The following PCDHGA9 variants were observed in gnomAD, a reference collection of about 807,000 sequenced individuals.
PCDHGA9 encodes the protein protocadherin gamma-A9.
In PCDHGA9, 37 loss-of-function variants were observed where a neutral mutation model predicts 62.5. That is an observed-to-expected ratio of 0.59 (90% CI 0.46 to 0.78). The LOEUF (loss-of-function observed/expected upper bound fraction) is 0.78, where lower values mean the gene tolerates loss of function less well. Ranked by LOEUF, PCDHGA9 falls within the 30% of genes least tolerant of loss-of-function variation. The pLI is 0.00. For missense variants in PCDHGA9, 1,138 were observed against 1,166.2 expected (o/e 0.98, Z 0.35); for synonymous variants, 459 against 484.6 (o/e 0.95, Z 0.69).
chr5:141,461,655 ATTTTAAAG>A (rs2099019832), intron 1 of PCDHGA9, among the ~76,000 whole-genome samples: 1 of 152,022 alleles, frequency 6.6e-6, no homozygotes, highest in African/African-American at 2.4e-5. Flanking sequence ...CCCATGGATT[ATTTTAAAG>A]TTTGTTATTT....
rs184640789 is a variant in PCDHGA9, at chr5:141,405,346, G to C, written c.2394G>C (p.Lys798Asn). The change falls in exon 1 of 4, where the codon AAG becomes AAC. Residue 798 changes from lysine (K) to asparagine (N), a missense_variant. Physicochemically the swap from Lys to Asn is moderately conservative, Grantham distance 94. Transcript: ENST00000573521. ...CTTTGTGCGTCTCTGTTGATTCCAAGTTTCCTATAGAAGACACCCCTTTGG... is the reference window on the plus strand; with the variant it reads ...CTTTGTGCGTCTCTGTTGATTCCAACTTTCCTATAGAAGACACCCCTTTGG... ...NEPLCVSVDS[K>N]FPIEDTPLVP... 4 of 1,614,108 alleles carry C rather than the reference G, an allele frequency of 2.5e-6. No homozygotes were observed. Among genetic ancestry groups the C allele is most frequent in the Non-Finnish European group, 3.4e-6 (4 of 1,180,012 alleles).
chr5:141,500,186 T>A (rs1008615587), intron 2 of PCDHGA9, among the ~76,000 whole-genome samples: 7 of 99,362 alleles, frequency 7.0e-5, no homozygotes, highest in African/African-American at 3.5e-4. Flanking sequence ...ATTTTTATTT[T>A]TATTTATTTA....
chr5:141,405,822 T>C (rs1055689569), intron 1 of PCDHGA9, among the ~76,000 whole-genome samples: 2 of 151,888 alleles, frequency 1.3e-5, no homozygotes, highest in African/African-American at 4.8e-5. Flanking sequence ...CTGTCTGTAC[T>C]TAAGGTAGTA....
chr5:141,473,186 T>C (rs984810414), intron 1 of PCDHGA9, among the ~76,000 whole-genome samples: 1 of 152,134 alleles, frequency 6.6e-6, no homozygotes, highest in African/African-American at 2.4e-5. Flanking sequence ...CTTGAAGGAG[T>C]AAATGTATCT....
In PCDHGA9 at chr5:141,493,755, A is replaced by C. The variant is rs1364524112; in HGVS notation, c.2425-1052A>C. Among the ~76,000 whole-genome samples, 1 of 152,148 alleles carries C rather than the reference A, an allele frequency of 6.6e-6. No homozygotes were observed. The highest frequency in any genetic ancestry group is 2.4e-5 in the African/African-American group (1 of 41,440). On this transcript the variant is annotated intron_variant, in intron 1 of 3. Coordinates refer to ENST00000573521, the MANE Select transcript of PCDHGA9 (RefSeq NM_018921.3). The surrounding 1 kb of genome is among the most constrained non-coding windows in gnomAD (Gnocchi z 4.3). ...ATATCACTGCCACCTGTGAGCCTTG[A>C]GTGAGCCACTGGCAGTTCCGGAGCT...
At chr5:141,426,667 A>G in intron 1 of PCDHGA9, 2 of 430,860 alleles carry the variant, frequency 4.6e-6, no homozygotes, top group Non-Finnish European at 9.5e-6. Context: ...ATAAATGATA[A>G]CCCACCTCAT....
rs755978034 is a variant in PCDHGA9, at chr5:141,404,291, G to A, written c.1339G>A (p.Asp447Asn). The change falls in exon 1 of 4, where the codon GAT becomes AAT. Residue 447 changes from aspartate (D) to asparagine (N), a missense_variant. Coordinates refer to ENST00000573521, the MANE Select transcript of PCDHGA9 (RefSeq NM_018921.3). ...HITLQVTDIN[D>N]NPPAFSQASY... is the part of the protein sequence containing the mutation. ...CACCCTGCAAGTGACTGACATCAAT[G>A]ATAATCCACCTGCTTTCTCTCAAGC... 6.2e-7 allele frequency: 1 copy of A among 1,613,956 alleles called. No homozygotes were observed. The highest frequency in any genetic ancestry group is 8.5e-7 in the Non-Finnish European group (1 of 1,179,876).
chr5:141,423,234 C>T, intron 1 of PCDHGA9: 1 of 1,613,918 alleles, frequency 6.2e-7, no homozygotes, highest in South Asian at 1.1e-5. Context: ...CCGACAGCAT[C>T]CCCGAAGTCC....
Position 141,491,680 on chromosome 5 carries a change from A to G in PCDHGA9, c.2425-3127A>G. The G allele has an allele frequency of 6.2e-7, 1 of 1,613,304 alleles. No individual in the cohort carries two copies. The highest frequency in any genetic ancestry group is 2.2e-5 in the East Asian group (1 of 44,820). ...TGACGCCATCCGGTCCCGCTCTAATACGCTGCGGGAGCGGAGCCAGGTGAG... is the reference window on the plus strand; with the variant it reads ...TGACGCCATCCGGTCCCGCTCTAATGCGCTGCGGGAGCGGAGCCAGGTGAG... On this transcript the variant is annotated intron_variant, in intron 1 of 3. Transcript: ENST00000573521. The surrounding 1 kb of genome is among the most constrained non-coding windows in gnomAD (Gnocchi z 6.9).
intron 1 of PCDHGA9, chr5:141,418,778 T>C (rs1256260275): frequency 6.2e-7 from 1 of 1,613,744 alleles, no homozygotes; most frequent in Non-Finnish European, 8.5e-7. Context: ...TCAGCAGCCT[T>C]TGGATTTTGA....
chr5:141,437,693 C>G (rs1305650032), intron 1 of PCDHGA9, among the ~76,000 whole-genome samples: 1 of 151,638 alleles, frequency 6.6e-6, no homozygotes, highest in African/African-American at 2.4e-5. Context: ...GAGGCTAAAT[C>G]TCAAGAAAGA....
intron 1 of PCDHGA9, among the ~76,000 whole-genome samples, chr5:141,406,261 C>T (rs2154537343): frequency 6.6e-6 from 1 of 152,132 alleles, no homozygotes; most frequent in African/African-American, 2.4e-5. Flanking sequence ...CTCAAACGAT[C>T]TTCCTGCTTC....
Position 141,403,479 on chromosome 5 carries a change from A to G in PCDHGA9, c.527A>G (p.His176Arg). The G allele has an allele frequency of 1.2e-6, 2 of 1,613,848 alleles. No homozygotes were observed. The highest frequency in any genetic ancestry group is 1.7e-6 in the Non-Finnish European group (2 of 1,179,870). The change falls in exon 1 of 4, where the codon CAC (histidine) becomes CGC (arginine). Residue 176 changes from histidine (H) to arginine (R), a missense_variant. Transcript: ENST00000573521. Reference sequence around the variant, plus strand: ...CAGAGCTACCAGCTCAGCCCCAATCACCACTTCTCCCTGAACGTGCAGACT... The same window carrying G: ...CAGAGCTACCAGCTCAGCCCCAATCGCCACTTCTCCCTGAACGTGCAGACT... The part of the protein sequence containing the change: ...SLQSYQLSPN[H>R]HFSLNVQTGD...
intron 1 of PCDHGA9, chr5:141,413,586 C>G (rs2095657085): frequency 2.5e-6 from 4 of 1,613,724 alleles, no homozygotes; most frequent in Admixed American, 1.7e-5. Context: ...CTCCAAAATT[C>G]CAAGCAGAAA....
At position 141,423,043 on chromosome 5, in the gene PCDHGA9, T is replaced by C. The variant is rs940921497; in HGVS notation, c.2424+17667T>C. 10 of 1,614,058 alleles carry C rather than the reference T, an allele frequency of 6.2e-6. No homozygotes were observed. The Admixed American group carries it at 1.5e-4, about 24-fold the overall frequency. ...AGATTCAGGCCAGAACGCCTGGCTG[T>C]CCTATCGCCTGCTTAAGGCCAGCGA... is the stretch of plus-strand genomic sequence containing the variant. On this transcript the variant is annotated intron_variant, in intron 1 of 3. Transcript: ENST00000573521.
At chr5:141,424,022 AAC>A (rs1390245883) in intron 1 of PCDHGA9, 1 of 1,046,586 alleles carries the variant, frequency 9.6e-7, no homozygotes, top group Non-Finnish European at 1.2e-6. Flanking sequence ...ATGATTCACA[AAC>A]ACTTTTTATT....
chr5:141,409,106 A>T (rs1474106494), intron 1 of PCDHGA9: 1 of 1,613,930 alleles, frequency 6.2e-7, no homozygotes, highest in East Asian at 2.2e-5. Context: ...AGGTATGATT[A>T]AGAATAACCA....
At position 141,432,999 on chromosome 5, in the gene PCDHGA9, A is replaced by G. The variant is rs745921704; in HGVS notation, c.2424+27623A>G. The G allele has an allele frequency of 1.1e-5, 17 of 1,614,046 alleles. No individual in the cohort carries two copies. Among genetic ancestry groups the G allele is most frequent in the East Asian group, 4.5e-5 (2 of 44,862 alleles). On this transcript the variant is annotated intron_variant, in intron 1 of 3. Coordinates refer to ENST00000573521, the MANE Select transcript of PCDHGA9 (RefSeq NM_018921.3). This position sits in a 1 kb window ranked among gnomAD's most constrained non-coding sequence, Gnocchi z 6.0. ...CACTTTGTGGGCGTGGACGGGGTGC[A>G]GGCTTTCCTGCAGACCTATTCCCAC...
At chr5:141,436,335 A>T (rs2097814208) in intron 1 of PCDHGA9, among the ~76,000 whole-genome samples, 1 of 152,172 alleles carries the variant, frequency 6.6e-6, no homozygotes, top group African/African-American at 2.4e-5. Flanking sequence ...ACCATATCTC[A>T]AATATCAGTG....
Sources: gnomAD v4.1 joint callset for allele counts (sites outside exome capture counted in the v4.1 genomes callset) on GRCh38, gnomAD v4.1.1 for gene constraint, Gnocchi (gnomAD v3.1) non-coding constraint, MANE v1.5 for transcripts, NCBI Gene and HGNC (gene_info 2026-07-23, HGNC 2026-07-21) for gene names.